MICU1: variants seen among roughly 807,000 people sequenced by gnomAD.
The protein encoded by MICU1 is calcium uptake protein 1, mitochondrial.
Under a neutral mutation model 56.8 loss-of-function variants are expected in MICU1, and 45 were observed. The ratio of observed to expected loss-of-function variants is 0.79; its 90% CI spans 0.62 to 1.02. The LOEUF (loss-of-function observed/expected upper bound fraction) is 1.02, where lower values mean the gene tolerates loss of function less well. Among genes scored for constraint, MICU1 ranks in the 50% least tolerant of loss-of-function variants. The probability of loss-of-function intolerance (pLI) is 0.00; values close to 1 mark genes in which losing one functional copy is unlikely to be tolerated. For missense variants in MICU1, 504 were observed against 587.1 expected (o/e 0.86, Z 1.46); for synonymous variants, 186 against 195.1 (o/e 0.95, Z 0.39).
At chr10:72,590,770 G>A (rs756003127) in intron 1 of MICU1, among the ~76,000 whole-genome samples, 4 of 151,348 alleles carry the variant, frequency 2.6e-5, no homozygotes, top group African/African-American at 4.9e-5. Context: ...CTGAGATCGC[G>A]CCACTGCATT....
chr10:72,620,277 C>T (rs1362972901), intron 1 of MICU1, among the ~76,000 whole-genome samples: 3 of 152,072 alleles, frequency 2.0e-5, no homozygotes, highest in African/African-American at 4.8e-5. Context: ...CTCCGCCTCC[C>T]GGGTTCAGGC....
chr10:72,389,615 A>C (rs1272213603), intron 10 of MICU1, among the ~76,000 whole-genome samples: 3 of 152,166 alleles, frequency 2.0e-5, no homozygotes, highest in Non-Finnish European at 4.4e-5. Context: ...AAGACCAGGG[A>C]CTATATTTGT....
intron 10 of MICU1, among the ~76,000 whole-genome samples, chr10:72,385,649 T>C (rs1251397544): frequency 6.6e-6 from 1 of 152,146 alleles, no homozygotes; most frequent in East Asian, 1.9e-4. Context: ...TGATGGCTGG[T>C]GTGCTGAGCA....
At chr10:72,500,137 T>C (rs961043183) in intron 6 of MICU1, among the ~76,000 whole-genome samples, 9 of 151,428 alleles carry the variant, frequency 5.9e-5, no homozygotes, top group Non-Finnish European at 1.3e-4. Context: ...TAAGTCTGCC[T>C]CCAAATTTTA....
At chr10:72,559,632 C>A (rs1052395332) in intron 3 of MICU1, among the ~76,000 whole-genome samples, 4 of 152,044 alleles carry the variant, frequency 2.6e-5, no homozygotes, top group Non-Finnish European at 5.9e-5. Flanking sequence ...TTGAAACCAT[C>A]CTGGGCAAAT....
At chr10:72,536,664 A>T (rs1240631773) in intron 4 of MICU1, among the ~76,000 whole-genome samples, 1 of 152,182 alleles carries the variant, frequency 6.6e-6, no homozygotes, top group Non-Finnish European at 1.5e-5. Context: ...AATAACGTTA[A>T]AATTTTAAAA....
At chr10:72,597,239 T>A (rs989569553) in intron 1 of MICU1, among the ~76,000 whole-genome samples, 1 of 152,200 alleles carries the variant, frequency 6.6e-6, no homozygotes, top group African/African-American at 2.4e-5. Context: ...ACACCCACAA[T>A]TGCTCACACT....
At chr10:72,423,190 A>T in intron 9 of MICU1, 44 bp downstream of exon 9, 1 of 1,593,028 alleles carries the variant, frequency 6.3e-7, no homozygotes, top group Non-Finnish European at 8.5e-7. Context: ...TAATAACCAT[A>T]CATTACCACG....
At chr10:72,568,198 T>C (rs1312219108) in intron 1 of MICU1, among the ~76,000 whole-genome samples, 1 of 152,200 alleles carries the variant, frequency 6.6e-6, no homozygotes, top group Non-Finnish European at 1.5e-5. Context: ...AGATTCTCTA[T>C]AGTTCAAACT....
intron 1 of MICU1, among the ~76,000 whole-genome samples, chr10:72,600,984 G>C (rs937611416): frequency 2.0e-5 from 3 of 152,168 alleles, no homozygotes; most frequent in Non-Finnish European, 2.9e-5. Flanking sequence ...ATTACCAAAA[G>C]TCAGGATGGT....
chr10:72,596,954 A>C (rs984429719), intron 1 of MICU1, among the ~76,000 whole-genome samples: 2 of 152,016 alleles, frequency 1.3e-5, no homozygotes, highest in Admixed American at 6.6e-5. Context: ...AGTTAATAAT[A>C]ATGTTTCAAT....
intron 1 of MICU1, among the ~76,000 whole-genome samples, chr10:72,597,124 A>G (rs1250452460): frequency 2.0e-5 from 3 of 152,166 alleles, no homozygotes; most frequent in Non-Finnish European, 2.9e-5. Context: ...AATTTAAAAA[A>G]ATTTTATTTC....
At chr10:72,577,560 C>T (rs914932966) in intron 1 of MICU1, among the ~76,000 whole-genome samples, 1 of 150,688 alleles carries the variant, frequency 6.6e-6, no homozygotes, top group Non-Finnish European at 1.5e-5. Flanking sequence ...AGCACCCAAT[C>T]TCATCTGATC....
At chr10:72,617,459 G>T (rs1842009447) in intron 1 of MICU1, among the ~76,000 whole-genome samples, 1 of 152,098 alleles carries the variant, frequency 6.6e-6, no homozygotes, top group South Asian at 2.1e-4. Flanking sequence ...TTAGTCCTCA[G>T]TAATCCTTTG....
intron 1 of MICU1, among the ~76,000 whole-genome samples, chr10:72,584,818 A>G (rs767232440): frequency 2.6e-5 from 4 of 152,118 alleles, no homozygotes; most frequent in Admixed American, 2.0e-4. Flanking sequence ...CTGGGATTAT[A>G]CGTGTGAGCC....
At chr10:72,562,822 A>G in intron 3 of MICU1, 73 bp downstream of exon 3, 1 of 1,226,164 alleles carries the variant, frequency 8.2e-7, no homozygotes, top group Non-Finnish European at 1.1e-6. Context: ...GAAACATATG[A>G]TTAAAAAGAT....
chr10:72,582,062 T>G (rs1156558479), intron 1 of MICU1, among the ~76,000 whole-genome samples: 7 of 152,166 alleles, frequency 4.6e-5, no homozygotes, highest in African/African-American at 1.2e-4. Context: ...CCCTAGTAGC[T>G]GGGATTACAG....
intron 5 of MICU1, among the ~76,000 whole-genome samples, chr10:72,519,844 A>G (rs184701257): frequency 1.3e-3 from 203 of 152,324 alleles, no homozygotes; most frequent in Middle Eastern, 3.4e-3. Flanking sequence ...TTCTAGTTAA[A>G]GAAGTTGATG....
chr10:72,555,616 C>T (rs1840140098), intron 3 of MICU1, among the ~76,000 whole-genome samples: 1 of 152,202 alleles, frequency 6.6e-6, no homozygotes, highest in African/African-American at 2.4e-5. Context: ...CTTTGAATGA[C>T]ACCACACACA....
Sources: allele counts gnomAD v4.1 joint callset (sites outside exome capture counted in the v4.1 genomes callset), GRCh38; gene constraint gnomAD v4.1.1; transcripts MANE v1.5; gene names NCBI Gene and HGNC (gene_info 2026-07-23, HGNC 2026-07-21).